FBN3: variants seen among roughly 807,000 people sequenced by gnomAD.
The protein encoded by FBN3 is fibrillin-3.
In FBN3, 234 loss-of-function variants were observed where a neutral mutation model predicts 330.1. The observed-to-expected ratio is 0.71, with a 90% CI of 0.64 to 0.79. The LOEUF (loss-of-function observed/expected upper bound fraction) is 0.79, where lower values mean the gene tolerates loss of function less well. Ranked by LOEUF, FBN3 falls within the 30% of genes least tolerant of loss-of-function variation. FBN3 has a pLI of 0.00. For missense variants in FBN3, 3,606 were observed against 3,886.9 expected (o/e 0.93, Z 1.92); for synonymous variants, 1,458 against 1,517.3 (o/e 0.96, Z 0.91).
At chr19:8,135,741 T>G (rs931796536) in intron 13 of FBN3, among the ~76,000 whole-genome samples, 3 of 151,858 alleles carry the variant, frequency 2.0e-5, no homozygotes, top group Non-Finnish European at 4.4e-5. Context: ...TCCTTTTTTG[T>G]GATTCACGGA....
rs1052103381 is a variant in FBN3, at chr19:8,072,257, G to T, written c.7938-59C>A. 75 of 1,462,026 alleles carry T rather than the reference G, an allele frequency of 5.1e-5. 3 individuals are homozygous for T. The South Asian group carries it at 9.6e-4, about 19-fold the overall frequency. The allele number at this position is 1,462,026 out of a possible 1,614,324, so 90.6% of individuals were successfully genotyped here. The stretch of plus-strand genomic sequence containing the variant: ...GAGGCGGGCTGATGGGACCTCCCCA[G>T]CCACGCCGCTCCACCCCATACTCCG... On this transcript the variant is annotated intron_variant, in intron 62 of 63. Transcript: ENST00000600128.
chr19:8,073,015 G>C, intron 62 of FBN3, 48 bp downstream of exon 62: 1 of 1,215,040 alleles, frequency 8.2e-7, no homozygotes. Context: ...GTGCGTGCAT[G>C]GACGCTTGCG....
chr19:8,082,619 G>T (rs10404241), intron 57 of FBN3, among the ~76,000 whole-genome samples: 1,736 of 151,798 alleles, frequency 0.011, 44 homozygotes, highest in African/African-American at 0.04. Context: ...TCAGCCTCCC[G>T]CGTAGCTGGG....
chr19:8,089,115 G>A (rs996918179), intron 51 of FBN3, among the ~76,000 whole-genome samples: 4 of 152,022 alleles, frequency 2.6e-5, no homozygotes, highest in East Asian at 1.9e-4. Flanking sequence ...AATGAATGAC[G>A]TGTGAATGAA....
intron 24 of FBN3, among the ~76,000 whole-genome samples, chr19:8,122,586 C>T (rs572096838): frequency 4.4e-4 from 67 of 151,880 alleles, no homozygotes; most frequent in Non-Finnish European, 6.5e-4. Context: ...AGGCTGGTCT[C>T]GAACTCTTGA....
rs199507951 is a variant in FBN3 at position 8,138,269 on chromosome 19, C to T, written c.1073G>A (p.Gly358Asp). ...GAAGCCCAGGAGGCCAGGGAAGAGG[C>T]CAGGGTGGCCGGGTAGCAGCGGCAG... ...QRLPLLPGHP[G>D]LFPGLLGFGS... Residue 358 changes from glycine (G) to aspartate (D), a missense_variant, in exon 10 of 64, where the codon GGC becomes GAC. Gly to Asp is a moderately conservative substitution (Grantham distance 94, BLOSUM62 -1). Coordinates refer to ENST00000600128, the MANE Select transcript of FBN3 (RefSeq NM_032447.5). The T allele has an allele frequency of 1.9e-6, 3 of 1,612,402 alleles. No individual in the cohort carries two copies. The highest frequency in any genetic ancestry group is 2.5e-6 in the Non-Finnish European group (3 of 1,179,618).
At position 8,125,893 on chromosome 19, in the gene FBN3, C is replaced by A. The variant is rs766465212; in HGVS notation, c.2730G>T (p.Val910=). The A allele has an allele frequency of 1.3e-5, 21 of 1,611,354 alleles. No individual in the cohort carries two copies. Among genetic ancestry groups the A allele is most frequent in the Non-Finnish European group, 1.7e-5 (20 of 1,179,304 alleles). The change falls in exon 22 of 64, where the codon GTG becomes GTT. Residue 910 remains valine, a splice_region_variant and synonymous_variant. Coordinates refer to ENST00000600128, the MANE Select transcript of FBN3 (RefSeq NM_032447.5). ...TATGCGGACCTCGCCTGGACTCACC[C>A]ACGCACAGCCGGCCTGAGGCGTCCA... The part of the protein sequence containing the change: ...LMLDASGRLC[V]DVRLEPCFLR...
chr19:8,091,697 G>T, intron 47 of FBN3, 107 bp from the exon 48 acceptor site: 1 of 1,263,148 alleles, frequency 7.9e-7, no homozygotes, highest in South Asian at 1.4e-5. Flanking sequence ...TCCAGCCAGG[G>T]GCTGCAGTGG....
rs753325003 is a variant in FBN3 at position 8,089,612 on chromosome 19, G to A, written c.6309C>T (p.Thr2103=). Residue 2103 remains threonine (T), a synonymous_variant, in exon 51 of 64, where the codon ACC becomes ACT. Transcript: ENST00000600128. ...GVCTNGVCVN[T]DGSFRCECPF... ...GACACTCACAGCGGAAGGATCCATCGGTGTTGACACAGACGCCGTTAGTGC... is the reference window on the plus strand; with the variant it reads ...GACACTCACAGCGGAAGGATCCATCAGTGTTGACACAGACGCCGTTAGTGC... 5 of 1,614,052 alleles carry A rather than the reference G, an allele frequency of 3.1e-6. No individual in the cohort carries two copies. The highest frequency in any genetic ancestry group is 4.5e-5 in the East Asian group (2 of 44,898).
intron 55 of FBN3, among the ~76,000 whole-genome samples, chr19:8,085,866 A>G (rs1568370424): frequency 6.6e-6 from 1 of 151,988 alleles, no homozygotes; most frequent in Admixed American, 6.6e-5. Context: ...GAAGAGGGGC[A>G]GCAGGGGAGC....
chr19:8,065,854 C>T lies in FBN3; in HGVS notation c.*65G>A. ...CTGGTCAGCCATCGCTTCTGGGGATCAGTCCTTCCCAGTTCCAGAATCCCC... is the reference window on the plus strand; with the variant it reads ...CTGGTCAGCCATCGCTTCTGGGGATTAGTCCTTCCCAGTTCCAGAATCCCC... On this transcript the variant is annotated 3_prime_UTR_variant, in exon 64 of 64. Transcript: ENST00000600128. 6 of 1,288,428 alleles carry T rather than the reference C, an allele frequency of 4.7e-6. No individual in the cohort carries two copies. The highest frequency in any genetic ancestry group is 6.5e-6 in the Non-Finnish European group (6 of 927,944). 79.8% of individuals were successfully genotyped at this position (1,288,428 alleles called of 1,614,324 possible).
intron 48 of FBN3, among the ~76,000 whole-genome samples, chr19:8,090,683 C>A (rs2082078295): frequency 6.6e-6 from 1 of 151,816 alleles, no homozygotes; most frequent in Non-Finnish European, 1.5e-5. Flanking sequence ...GGGGTTTCAC[C>A]ACATTGGCTA....
chr19:8,144,933 A>G lies in FBN3; in HGVS notation c.485T>C (p.Ile162Thr), dbSNP rs921004784. 4 of 1,612,434 alleles carry G rather than the reference A, an allele frequency of 2.5e-6. No homozygotes were observed. Among genetic ancestry groups the G allele is most frequent in the South Asian group, 1.1e-5 (1 of 90,486 alleles). Reference sequence around the variant, plus strand: ...CACACAGGCGCAGCGGTTGGGCCCAATGCAGCGACCCCCATTGTGGCAGCC... The same window carrying G: ...CACACAGGCGCAGCGGTTGGGCCCAGTGCAGCGACCCCCATTGTGGCAGCC... ...DRGCHNGGRC[I>T]GPNRCACVYG... is the part of the protein sequence containing the mutation. The change falls in exon 6 of 64, where the codon ATT becomes ACT. Residue 162 changes from isoleucine to threonine, a missense_variant. Ile to Thr is a moderately conservative substitution (Grantham distance 89, BLOSUM62 -1). Coordinates refer to ENST00000600128, the MANE Select transcript of FBN3 (RefSeq NM_032447.5).
chr19:8,119,055 T>G (rs753236700), intron 25 of FBN3, 33 bp from the exon 26 acceptor site: 6 of 1,575,162 alleles, frequency 3.8e-6, no homozygotes, highest in Admixed American at 3.4e-5. Flanking sequence ...AGAGCAGGCA[T>G]GAAGGTGCTG....
chr19:8,103,695 G>A lies in FBN3; in HGVS notation c.4814-8C>T. On this transcript the variant is annotated splice_polypyrimidine_tract_variant and splice_region_variant and intron_variant, in intron 38 of 63. Coordinates refer to ENST00000600128, the MANE Select transcript of FBN3 (RefSeq NM_032447.5). Reference sequence around the variant, plus strand: ...TGGAGCATTCGTCAATATCTGCAGGGAAAGAAGGGGTGGAGGGGAACAGTG... The same window carrying A: ...TGGAGCATTCGTCAATATCTGCAGGAAAAGAAGGGGTGGAGGGGAACAGTG... 6.2e-7 allele frequency: 1 copy of A among 1,612,264 alleles called. No individual in the cohort carries two copies. Among genetic ancestry groups the A allele is most frequent in the Non-Finnish European group, 8.5e-7 (1 of 1,178,890 alleles).
chr19:8,070,906 C>A (rs1054846985), intron 63 of FBN3, among the ~76,000 whole-genome samples: 2 of 151,912 alleles, frequency 1.3e-5, no homozygotes, highest in African/African-American at 4.8e-5. Flanking sequence ...CCTGTAATCC[C>A]AGCTACTCGG....
At position 8,087,932 on chromosome 19, in the gene FBN3, G is replaced by A. The variant is rs750312296; in HGVS notation, c.6512C>T (p.Ser2171Phe). The change falls in exon 53 of 64, where the codon TCC becomes TTC. Residue 2171 changes from serine (S) to phenylalanine (F), a missense_variant. Physicochemically the swap from Ser to Phe is radical, Grantham distance 155. Transcript: ENST00000600128. ...MMTCEDIDECSLNPLLCAFRC... is the reference protein window; with the variant it reads ...MMTCEDIDECFLNPLLCAFRC... ...GAAGGCACAGAGCAGCGGGTTCAGG[G>A]AGCATTCGTCGATGTCTGGGGAGGC... 57 of 1,614,028 alleles carry A rather than the reference G, an allele frequency of 3.5e-5. No individual in the cohort carries two copies. In the Middle Eastern group the frequency reaches 6.6e-4, roughly 19 times the overall value.
In FBN3 at chr19:8,129,300, T is replaced by C. The variant is rs763134114; in HGVS notation, c.2110A>G (p.Ser704Gly). The C allele has an allele frequency of 6.2e-7, 1 of 1,614,174 alleles. No individual in the cohort carries two copies. ...CCCAGGTTGCAGACACAGCGGTAGC[T>C]GCCCCGAAGGTTCTCGCACACGCCA... The part of the protein sequence containing the change: ...ANGVCENLRG[S>G]YRCVCNLGYE... The change falls in exon 17 of 64, where the codon AGC (serine) becomes GGC (glycine). Residue 704 changes from serine to glycine, a missense_variant. Coordinates refer to ENST00000600128, the MANE Select transcript of FBN3 (RefSeq NM_032447.5). This position sits in a 1 kb window ranked among gnomAD's most constrained non-coding sequence, Gnocchi z 4.5.
Position 8,094,464 on chromosome 19 carries a change from G to C in FBN3, c.5887C>G (p.Gln1963Glu). Residue 1963 changes from glutamine (Q) to glutamate (E), a missense_variant, in exon 47 of 64, where the codon CAG becomes GAG. Coordinates refer to ENST00000600128, the MANE Select transcript of FBN3 (RefSeq NM_032447.5). Reference protein sequence around the residue: ...RCICPPGFQVQSDHCIDIDEC... With the variant: ...RCICPPGFQVESDHCIDIDEC... ...CACTCACCAATGCAGTGGTCACTCTGCACCTGGAAGCCAGGGGGACAGATG... is the reference window on the plus strand; with the variant it reads ...CACTCACCAATGCAGTGGTCACTCTCCACCTGGAAGCCAGGGGGACAGATG... 1 of 1,613,552 alleles carries C rather than the reference G, an allele frequency of 6.2e-7. No homozygotes were observed.
Sources: allele counts gnomAD v4.1 joint callset (sites outside exome capture counted in the v4.1 genomes callset), GRCh38; gene constraint gnomAD v4.1.1; non-coding constraint Gnocchi (gnomAD v3.1); transcripts MANE v1.5; gene names NCBI Gene and HGNC (gene_info 2026-07-23, HGNC 2026-07-21).